Variants in PRPF6 observed in about 807,000 individuals in gnomAD.
The protein encoded by PRPF6 is pre-mRNA-processing factor 6.
Under a neutral mutation model 118.3 loss-of-function variants are expected in PRPF6, and 42 were observed. The ratio of observed to expected loss-of-function variants is 0.35; its 90% confidence interval spans 0.28 to 0.46. PRPF6 has a LOEUF of 0.46. Ranked by LOEUF, PRPF6 falls within the 20% of genes least tolerant of loss-of-function variation. The pLI is 1.00. For missense variants in PRPF6, 662 were observed against 1,255.7 expected (o/e 0.53, Z 7.15); for synonymous variants, 481 against 485.1 (o/e 0.99, Z 0.11).
At chr20:64,032,361 G>A (rs1258042789) in intron 20 of PRPF6, among the ~76,000 whole-genome samples, 2 of 152,224 alleles carry the variant, frequency 1.3e-5, no homozygotes, top group African/African-American at 4.8e-5. Context: ...TTTAGGAATG[G>A]GAATGGAGTT....
At chr20:63,987,728 A>G (rs1025595768) in intron 3 of PRPF6, among the ~76,000 whole-genome samples, 2 of 152,302 alleles carry the variant, frequency 1.3e-5, no homozygotes, top group African/African-American at 2.4e-5. Flanking sequence ...CCAAAACACT[A>G]TTGGAACTGA....
intron 12 of PRPF6, among the ~76,000 whole-genome samples, chr20:64,021,416 G>A (rs1349350749): frequency 6.6e-6 from 1 of 151,286 alleles, no homozygotes; most frequent in Non-Finnish European, 1.5e-5. Context: ...CTGTGTGTGC[G>A]TGTGTGTGCA....
At chr20:64,015,453 G>C (rs961343705) in intron 11 of PRPF6, among the ~76,000 whole-genome samples, 1 of 152,220 alleles carries the variant, frequency 6.6e-6, no homozygotes, top group African/African-American at 2.4e-5. Flanking sequence ...CCCTGGGAGG[G>C]TCTGGGAGGC....
chr20:64,001,910 G>T (rs1210443684), intron 9 of PRPF6, among the ~76,000 whole-genome samples: 2 of 151,870 alleles, frequency 1.3e-5, no homozygotes, highest in African/African-American at 4.8e-5. Context: ...TGTAGTAGAT[G>T]CTGCTCTTGA....
At chr20:63,997,325 C>G (rs935942189) in intron 6 of PRPF6, among the ~76,000 whole-genome samples, 3 of 138,374 alleles carry the variant, frequency 2.2e-5, no homozygotes, top group African/African-American at 8.3e-5. Flanking sequence ...GAGTCTCTCT[C>G]TGTCACCCAG....
chr20:64,024,744 C>A (rs771429628), intron 14 of PRPF6, 51 bp downstream of exon 14: 54 of 1,594,072 alleles, frequency 3.4e-5, no homozygotes, highest in Non-Finnish European at 4.5e-5. Context: ...CAGGAGCTGA[C>A]CTGGGTGCTG....
At chr20:63,987,384 A>G (rs2059099484) in intron 3 of PRPF6, among the ~76,000 whole-genome samples, 1 of 151,754 alleles carries the variant, frequency 6.6e-6, no homozygotes, top group African/African-American at 2.4e-5. Flanking sequence ...GCTCAGGCCT[A>G]TAATTTCAGC....
intron 2 of PRPF6, among the ~76,000 whole-genome samples, chr20:63,983,497 CTT>C (rs2059080275): frequency 7.1e-6 from 1 of 140,436 alleles, no homozygotes; most frequent in Non-Finnish European, 1.5e-5. Flanking sequence ...GAATTTCGCT[CTT>C]GTCGGAAGAG....
At chr20:64,002,986 C>T in intron 9 of PRPF6, among the ~76,000 whole-genome samples, 1 of 151,530 alleles carries the variant, frequency 6.6e-6, no homozygotes, top group Non-Finnish European at 1.5e-5. Flanking sequence ...GCTCTGTCAC[C>T]CAGGCTGGAG....
intron 3 of PRPF6, among the ~76,000 whole-genome samples, 169 bp from the exon 4 acceptor site, chr20:63,993,238 G>GTGTA (rs1491086330): frequency 1.9e-4 from 25 of 133,450 alleles, no homozygotes; most frequent in African/African-American, 7.4e-4. Context: ...GTGTGTGTGT[G>GTGTA]TGTGTGTGTG....
chr20:63,993,559 C>G, intron 4 of PRPF6, 74 bp downstream of exon 4: 1 of 1,252,370 alleles, frequency 8.0e-7, no homozygotes, highest in African/African-American at 1.5e-5. Flanking sequence ...TCAGACTGCT[C>G]TTACGTGGAA....
At chr20:64,014,921 T>G (rs763902772) in intron 11 of PRPF6, among the ~76,000 whole-genome samples, 2 of 152,178 alleles carry the variant, frequency 1.3e-5, no homozygotes, top group Non-Finnish European at 2.9e-5. Context: ...TCCGACACCG[T>G]GAGTGGAATC....
intron 19 of PRPF6, among the ~76,000 whole-genome samples, chr20:64,030,527 C>T (rs912481713): frequency 6.6e-5 from 10 of 152,150 alleles, no homozygotes; most frequent in South Asian, 2.1e-4. Flanking sequence ...CTCCCCTGCC[C>T]GCAGGCCCCC....
At chr20:63,981,760 G>T (rs973684426) in intron 1 of PRPF6, among the ~76,000 whole-genome samples, 1 of 147,048 alleles carries the variant, frequency 6.8e-6, no homozygotes, top group Admixed American at 7.1e-5. Flanking sequence ...TATCCTATTT[G>T]GCTATTCATT....
intron 9 of PRPF6, among the ~76,000 whole-genome samples, chr20:64,001,956 TC>T (rs1426902247): frequency 1.3e-5 from 2 of 151,928 alleles, no homozygotes; most frequent in African/African-American, 4.8e-5. Flanking sequence ...AGGGGGCTGT[TC>T]TGAAGCTAAT....
Position 64,028,537 on chromosome 20 carries a change from T to C in PRPF6, c.2399T>C (p.Met800Thr). The stretch of plus-strand genomic sequence containing the variant: ...CTGAAGAACATCGCAAATACACTCA[T>C]GGCCAAGGCGCTGCAGGAGTGCCCC... The part of the protein sequence containing the change: ...AGLKNIANTL[M>T]AKALQECPNS... Residue 800 changes from methionine (M) to threonine (T), a missense_variant, in exon 18 of 21, where the codon ATG (methionine) becomes ACG (threonine). By Grantham distance (81) the Met-to-Thr change is moderately conservative. This residue lies in a region of PRPF6 where 244 missense variants were observed against 383.7 expected (regional missense o/e 0.64). Coordinates refer to ENST00000266079, the MANE Select transcript of PRPF6 (RefSeq NM_012469.4). This position sits in a 1 kb window ranked among gnomAD's most constrained non-coding sequence, Gnocchi z 6.5. 9 of 1,613,744 alleles carry C rather than the reference T, an allele frequency of 5.6e-6. No homozygotes were observed. Among genetic ancestry groups the C allele is most frequent in the Non-Finnish European group, 7.6e-6 (9 of 1,180,002 alleles).
At position 64,029,949 on chromosome 20, in the gene PRPF6, G is replaced by T. The variant is rs780726302; in HGVS notation, c.2546+458G>T. On this transcript the variant is annotated intron_variant, in intron 19 of 20. Transcript: ENST00000266079. This position sits in a 1 kb window ranked among gnomAD's most constrained non-coding sequence, Gnocchi z 4.8. The stretch of plus-strand genomic sequence containing the variant: ...GATTCACACTGGTGTGCTGGCCGCC[G>T]GGTCAGAGACTCACTGGGGACGCGT... Among the ~76,000 whole-genome samples, 2 of 149,868 alleles carry T rather than the reference G, an allele frequency of 1.3e-5. No homozygotes were observed. The highest frequency in any genetic ancestry group is 2.5e-5 in the African/African-American group (1 of 40,404).
At chr20:64,031,335 C>T (rs1406286985) in intron 19 of PRPF6, among the ~76,000 whole-genome samples, 7 of 152,174 alleles carry the variant, frequency 4.6e-5, no homozygotes, top group African/African-American at 1.7e-4. Context: ...TGTATCTGAC[C>T]CTAATTTTAC....
At chr20:64,018,388 T>A (rs533157934) in intron 12 of PRPF6, among the ~76,000 whole-genome samples, 165 of 152,262 alleles carry the variant, frequency 1.1e-3, no homozygotes, top group Non-Finnish European at 1.9e-3. Context: ...TCTGGTTCTC[T>A]GTGGTGTCTC....
Sources: allele counts gnomAD v4.1 joint callset (sites outside exome capture counted in the v4.1 genomes callset), GRCh38; gene constraint gnomAD v4.1.1; regional missense constraint gnomAD v4.1.1; non-coding constraint Gnocchi (gnomAD v3.1); transcripts MANE v1.5; gene names NCBI Gene and HGNC (gene_info 2026-07-23, HGNC 2026-07-21).